The following SREK1IP1 variants were observed in gnomAD, a reference collection of about 807,000 sequenced individuals.
The protein encoded by SREK1IP1 is protein SREK1IP1.
SREK1IP1 carries 12 observed loss-of-function variants against 22.8 expected under a neutral mutation model. The ratio of observed to expected loss-of-function variants is 0.53; its 90% CI spans 0.34 to 0.85. SREK1IP1 has a LOEUF of 0.85. SREK1IP1 is among the 40% of genes least tolerant of loss of function. The pLI is 0.02. For missense variants in SREK1IP1, 147 were observed against 171.8 expected, an observed-to-expected ratio of 0.86 and a Z score of 0.81; for synonymous variants, 53 against 52.7, an observed-to-expected ratio of 1.01 and a Z score of -0.02.
intron 2 of SREK1IP1, among the ~76,000 whole-genome samples, chr5:64,742,028 G>C (rs755172545): frequency 1.3e-5 from 2 of 149,770 alleles, no homozygotes; most frequent in Non-Finnish European, 3.0e-5. Flanking sequence ...CACTGAAGTT[G>C]GTCTCTATCA....
At chr5:64,735,766 T>C (rs1219766912) in intron 3 of SREK1IP1, among the ~76,000 whole-genome samples, 2 of 152,158 alleles carry the variant, frequency 1.3e-5, no homozygotes, top group Non-Finnish European at 2.9e-5. Flanking sequence ...TAAAATCTCA[T>C]TAGTTTGGAT....
At chr5:64,762,073 C>G (rs575091570) in intron 1 of SREK1IP1, among the ~76,000 whole-genome samples, 1 of 152,224 alleles carries the variant, frequency 6.6e-6, no homozygotes. Context: ...TGAAATTTTA[C>G]ATCACCTATC....
At chr5:64,741,246 A>G in intron 2 of SREK1IP1, 46 bp from the exon 3 acceptor site, 4 of 1,558,398 alleles carry the variant, frequency 2.6e-6, no homozygotes, top group Non-Finnish European at 3.5e-6. Flanking sequence ...AACTATAGAT[A>G]CATTATGTAT....
At chr5:64,744,811 G>A (rs766090338) in intron 2 of SREK1IP1, among the ~76,000 whole-genome samples, 11 of 152,154 alleles carry the variant, frequency 7.2e-5, no homozygotes, top group Non-Finnish European at 1.6e-4. Context: ...ACAGGAAGCC[G>A]TGTAAATTCA....
chr5:64,766,090 C>A (rs1412991519), intron 1 of SREK1IP1, among the ~76,000 whole-genome samples: 1 of 152,202 alleles, frequency 6.6e-6, no homozygotes, highest in Non-Finnish European at 1.5e-5. Flanking sequence ...ATTCTACACA[C>A]CATCTAAGCA....
chr5:64,727,939 T>C lies in SREK1IP1; in HGVS notation c.278+168A>G, dbSNP rs531365763. On this transcript the variant is annotated intron_variant, in intron 4 of 4. Coordinates refer to ENST00000513458, the MANE Select transcript of SREK1IP1 (RefSeq NM_173829.4). Reference sequence around the variant, plus strand: ...TACAAATATTTTAGTCAATTTCATGTATATGAAGACAAAATATATATTAAG... The same window carrying C: ...TACAAATATTTTAGTCAATTTCATGCATATGAAGACAAAATATATATTAAG... The C allele has an allele frequency of 8.4e-4, 495 of 590,616 alleles. 2 individuals are homozygous for C. Among genetic ancestry groups the C allele is most frequent in the Non-Finnish European group, 1.0e-3 (459 of 438,550 alleles). The allele number at this position is 590,616 out of a possible 1,614,324, so 36.6% of individuals were successfully genotyped here. A position where few individuals can be genotyped will look rare whatever the true frequency, so the allele number is the denominator to read the frequency against.
chr5:64,724,590 A>G lies in SREK1IP1; in HGVS notation c.279-17T>C. The G allele has an allele frequency of 6.7e-7, 1 of 1,496,352 alleles. No individual in the cohort carries two copies. Among genetic ancestry groups the G allele is most frequent in the Non-Finnish European group, 8.9e-7 (1 of 1,124,754 alleles). The allele number at this position is 1,496,352 out of a possible 1,614,324, so 92.7% of individuals were successfully genotyped here. A position where few individuals can be genotyped will look rare whatever the true frequency, so the allele number is the denominator to read the frequency against. On this transcript the variant is annotated splice_polypyrimidine_tract_variant and intron_variant, in intron 4 of 4. Coordinates refer to ENST00000513458, the MANE Select transcript of SREK1IP1 (RefSeq NM_173829.4). ...GAGTAAGACCTATGGATAATAATAC[A>G]TACTGACTGAGAATTGCATTTATGA... is the stretch of plus-strand genomic sequence containing the variant.
At chr5:64,738,652 A>C (rs1464168225) in intron 3 of SREK1IP1, among the ~76,000 whole-genome samples, 1 of 152,166 alleles carries the variant, frequency 6.6e-6, no homozygotes, top group African/African-American at 2.4e-5. Flanking sequence ...CCAATGTAAC[A>C]GAATAGGAAG....
chr5:64,735,174 G>C (rs373497059), intron 3 of SREK1IP1, among the ~76,000 whole-genome samples: 2 of 150,082 alleles, frequency 1.3e-5, no homozygotes, highest in African/African-American at 4.9e-5. Flanking sequence ...TTTTTTTTTA[G>C]TCTCTTAAAT....
intron 3 of SREK1IP1, among the ~76,000 whole-genome samples, chr5:64,731,521 C>CAAAAAAAAAAA (rs10599290): frequency 9.4e-5 from 7 of 74,628 alleles, no homozygotes; most frequent in East Asian, 4.3e-4. Context: ...GCCCTTGTCT[C>CAAAAAAAAAAA]AAAAAAAAAA....
At chr5:64,745,262 C>T (rs1476091434) in intron 2 of SREK1IP1, among the ~76,000 whole-genome samples, 3 of 152,104 alleles carry the variant, frequency 2.0e-5, no homozygotes, top group Non-Finnish European at 4.4e-5. Context: ...GGTGGGCTTT[C>T]TAGGTTGGTT....
At chr5:64,736,624 G>A (rs1436054138) in intron 3 of SREK1IP1, among the ~76,000 whole-genome samples, 3 of 151,962 alleles carry the variant, frequency 2.0e-5, no homozygotes, top group Admixed American at 2.0e-4. Context: ...ACCATGCCCA[G>A]CTACTTTTTT....
chr5:64,742,744 T>C (rs111640106), intron 2 of SREK1IP1, among the ~76,000 whole-genome samples: 55 of 152,334 alleles, frequency 3.6e-4, no homozygotes, highest in African/African-American at 1.3e-3. Flanking sequence ...TCCTCAAGGC[T>C]TAATTCCTGG....
intron 2 of SREK1IP1, among the ~76,000 whole-genome samples, chr5:64,748,834 G>A (rs1156349018): frequency 2.0e-5 from 3 of 152,072 alleles, no homozygotes; most frequent in Non-Finnish European, 4.4e-5. Flanking sequence ...TTGTACCTAA[G>A]TAATCGGGTG....
chr5:64,765,192 TATA>T (rs1743014976), intron 1 of SREK1IP1: 1 of 152,226 alleles, frequency 6.6e-6, no homozygotes, highest in South Asian at 2.1e-4. Context: ...ATATTATTTC[TATA>T]ATAACAACTA....
At position 64,757,861 on chromosome 5, in the gene SREK1IP1, C is replaced by CTTTTTTTT. The variant is rs59456636; in HGVS notation, c.14-3507_14-3500dup. ...GCTACTGTTTCTATTAGGTTCCTATCTTTTTTTTTTTTTTTTTTTTTTTTT... is the reference window on the plus strand; with the variant it reads ...GCTACTGTTTCTATTAGGTTCCTATCTTTTTTTTTTTTTTTTTTTTTTTTTTTTTTTTT... On this transcript the variant is annotated intron_variant, in intron 1 of 4. Coordinates refer to ENST00000513458, the MANE Select transcript of SREK1IP1 (RefSeq NM_173829.4). 4.0e-4 allele frequency among the ~76,000 whole-genome samples: 29 copies of CTTTTTTTT among 72,962 alleles called. 6 individuals are homozygous for CTTTTTTTT. Among genetic ancestry groups the CTTTTTTTT allele is most frequent in the East Asian group, 9.3e-4 (2 of 2,154 alleles). The allele number at this position is 72,962 out of a possible 152,430, so 47.9% of individuals were successfully genotyped here. A position where few individuals can be genotyped will look rare whatever the true frequency, so the allele number is the denominator to read the frequency against.
In SREK1IP1 at chr5:64,723,587, T is replaced by C. The variant is rs1241267808; in HGVS notation, c.*797A>G. On this transcript the variant is annotated 3_prime_UTR_variant, in exon 5 of 5. Transcript: ENST00000513458. ...GAGGTATCACTGTAAGACATGCCAA[T>C]ATGGCACATTTGTAAAACAACCCAG... 6.6e-6 allele frequency: 1 copy of C among 152,632 alleles called. No individual in the cohort carries two copies. The highest frequency in any genetic ancestry group is 1.5e-5 in the Non-Finnish European group (1 of 68,034). The allele number at this position is 152,632 out of a possible 1,614,324, so 9.5% of individuals were successfully genotyped here. A position where few individuals can be genotyped will look rare whatever the true frequency, so the allele number is the denominator to read the frequency against.
At position 64,758,859 on chromosome 5, in the gene SREK1IP1, A is replaced by G. The variant is rs78215070; in HGVS notation, c.14-4497T>C. Reference sequence around the variant, plus strand: ...AACTTTTACATGACAGGGAAATATAACCAGAACTCTAAATAAAGTACTTTA... The same window carrying G: ...AACTTTTACATGACAGGGAAATATAGCCAGAACTCTAAATAAAGTACTTTA... On this transcript the variant is annotated intron_variant, in intron 1 of 4. Coordinates refer to ENST00000513458, the MANE Select transcript of SREK1IP1 (RefSeq NM_173829.4). Among the ~76,000 whole-genome samples the G allele has an allele frequency of 6.4e-3, 977 of 152,302 alleles. 10 individuals are homozygous for G. The highest frequency in any genetic ancestry group is 0.023 in the African/African-American group (953 of 41,560).
At chr5:64,732,766 G>T (rs949722896) in intron 3 of SREK1IP1, among the ~76,000 whole-genome samples, 1 of 152,070 alleles carries the variant, frequency 6.6e-6, no homozygotes, top group African/African-American at 2.4e-5. Context: ...AGAATAAAGT[G>T]GGAAGAATTA....
Sources: gnomAD v4.1 joint callset for allele counts (sites outside exome capture counted in the v4.1 genomes callset) on GRCh38, gnomAD v4.1.1 for gene constraint, MANE v1.5 for transcripts, NCBI Gene and HGNC (gene_info 2026-07-23, HGNC 2026-07-21) for gene names.